CCDC180: variants seen among roughly 807,000 people sequenced by gnomAD.
CCDC180 encodes coiled-coil domain containing 180, also known as coiled-coil domain-containing protein 180.
A neutral mutation model predicts 209.2 loss-of-function variants in CCDC180; 154 were observed. That is an observed-to-expected ratio of 0.74 (90% CI 0.65 to 0.84). The LOEUF (loss-of-function observed/expected upper bound fraction) is 0.84, where lower values mean the gene tolerates loss of function less well. CCDC180 is among the 40% of genes least tolerant of loss of function. The probability of loss-of-function intolerance (pLI) is 0.00; values close to 1 mark genes in which losing one functional copy is unlikely to be tolerated. For missense variants in CCDC180, 1,874 were observed against 1,997.3 expected (o/e 0.94, Z 1.18); for synonymous variants, 778 against 749.1 (o/e 1.04, Z -0.63).
In CCDC180 at chr9:97,330,770, A is replaced by G. The variant is rs748713135; in HGVS notation, c.2274+3A>G. On this transcript the variant is annotated splice_donor_region_variant and intron_variant, in intron 18 of 36. Transcript: ENST00000529487. Reference sequence around the variant, plus strand: ...AAGAGAGTTTATCTGTGGGTGAGGTAAGCCAGCAACTGATTCATTCTTGGG... The same window carrying G: ...AAGAGAGTTTATCTGTGGGTGAGGTGAGCCAGCAACTGATTCATTCTTGGG... 2.5e-6 allele frequency: 4 copies of G among 1,592,244 alleles called. No homozygotes were observed. Among genetic ancestry groups the G allele is most frequent in the South Asian group, 1.1e-5 (1 of 89,158 alleles).
rs764896343 is a variant in CCDC180, at chr9:97,314,411, G to A, written c.478G>A (p.Val160Met). The A allele has an allele frequency of 1.7e-5, 28 of 1,614,000 alleles. No homozygotes were observed. The highest frequency in any genetic ancestry group is 2.2e-5 in the East Asian group (1 of 44,890). The change falls in exon 6 of 37, where the codon GTG (valine) becomes ATG (methionine). Residue 160 changes from valine (V) to methionine (M), a missense_variant. By Grantham distance (21) the Val-to-Met change is conservative (BLOSUM62 1). Coordinates refer to ENST00000529487, the MANE Select transcript of CCDC180 (RefSeq NM_020893.6). ...QVGKEMEPLI[V>M]DTGGLFLKKL... ...GTTGCAGGAAATGGAACCTCTCATCGTGGACACAGGGGGACTTTTTTTGAA... is the reference window on the plus strand; with the variant it reads ...GTTGCAGGAAATGGAACCTCTCATCATGGACACAGGGGGACTTTTTTTGAA...
chr9:97,363,980 A>G, intron 28 of CCDC180, 71 bp from the exon 29 acceptor site: 1 of 1,447,978 alleles, frequency 6.9e-7, no homozygotes, highest in African/African-American at 1.4e-5. Context: ...CCAGGCAGGG[A>G]TCCTGCAGGC....
At chr9:97,342,826 A>G (rs555830897) in intron 18 of CCDC180, among the ~76,000 whole-genome samples, 3 of 152,370 alleles carry the variant, frequency 2.0e-5, no homozygotes, top group African/African-American at 7.2e-5. Flanking sequence ...CTTTGAGTGC[A>G]GGGAAGTAAC....
chr9:97,330,529 A>G lies in CCDC180; in HGVS notation c.2036A>G (p.His679Arg). 2.5e-6 allele frequency: 4 copies of G among 1,614,174 alleles called. No individual in the cohort carries two copies. Among genetic ancestry groups the G allele is most frequent in the South Asian group, 1.1e-5 (1 of 91,076 alleles). The stretch of plus-strand genomic sequence containing the variant: ...GGGCAGCAGAAAAAATCTCCACTGC[A>G]TGCTAAGATGGATGAGTCCAAAGAA... ...VLGQQKKSPL[H>R]AKMDESKEGS... is the part of the protein sequence containing the mutation. The change falls in exon 18 of 37, where the codon CAT (histidine) becomes CGT (arginine). Residue 679 changes from histidine (H) to arginine (R), a missense_variant. By Grantham distance (29) the His-to-Arg change is conservative. Coordinates refer to ENST00000529487, the MANE Select transcript of CCDC180 (RefSeq NM_020893.6).
At chr9:97,364,737 C>T (rs898559833) in intron 29 of CCDC180, 1 of 154,104 alleles carries the variant, frequency 6.5e-6, no homozygotes, top group Admixed American at 6.5e-5. Flanking sequence ...AGACAGTTCC[C>T]TCGTCCCACA....
At position 97,376,803 on chromosome 9, in the gene CCDC180, A is replaced by G. The variant is rs1298369829; in HGVS notation, c.4883A>G (p.Gln1628Arg). Reference sequence around the variant, plus strand: ...TTTGAGGAGGAGCTAAAGAGGATCCAGGATGACTGTACATCTCAGATAAAG... The same window carrying G: ...TTTGAGGAGGAGCTAAAGAGGATCCGGGATGACTGTACATCTCAGATAAAG... ...ASFEEELKRI[Q>R]DDCTSQIKEA... Residue 1628 changes from glutamine (Q) to arginine (R), a missense_variant, in exon 37 of 37, where the codon CAG becomes CGG. Physicochemically the swap from Gln to Arg is conservative, Grantham distance 43. Coordinates refer to ENST00000529487, the MANE Select transcript of CCDC180 (RefSeq NM_020893.6). 1.2e-6 allele frequency: 2 copies of G among 1,613,634 alleles called. No individual in the cohort carries two copies. Among genetic ancestry groups the G allele is most frequent in the Admixed American group, 1.7e-5 (1 of 60,030 alleles).
At position 97,314,920 on chromosome 9, in the gene CCDC180, T is replaced by C; in HGVS notation, c.769T>C (p.Tyr257His). 4 of 1,614,032 alleles carry C rather than the reference T, an allele frequency of 2.5e-6. No individual in the cohort carries two copies. Among genetic ancestry groups the C allele is most frequent in the Non-Finnish European group, 3.4e-6 (4 of 1,179,900 alleles). The change falls in exon 8 of 37, where the codon TAC (tyrosine) becomes CAC (histidine). Residue 257 changes from tyrosine to histidine, a missense_variant. Physicochemically the swap from Tyr to His is moderately conservative, Grantham distance 83. Transcript: ENST00000529487. ...KTSYLMRPEV[Y>H]RLINEEAMVM... ...TTCCTACCTCATGCGGCCCGAAGTG[T>C]ACAGGCTGATAAATGAAGAAGCCAT...
At chr9:97,376,471 C>G (rs1343069634) in intron 36 of CCDC180, 1 of 287,292 alleles carries the variant, frequency 3.5e-6, no homozygotes, top group African/African-American at 2.2e-5. Flanking sequence ...TGGGACAGAG[C>G]TCAGGAAGGA....
Position 97,330,600 on chromosome 9 carries a change from T to C in CCDC180, c.2107T>C (p.Ser703Pro). ...LEEMQVEREG[S>P]LNPSLNEENV... ...AGAAATGCAGGTTGAAAGAGAGGGC[T>C]CCTTAAACCCATCCCTGAATGAGGA... The change falls in exon 18 of 37, where the codon TCC becomes CCC. Residue 703 changes from serine to proline, a missense_variant. Ser to Pro is a moderately conservative substitution (Grantham distance 74). Transcript: ENST00000529487. 3.1e-6 allele frequency: 5 copies of C among 1,613,752 alleles called. No individual in the cohort carries two copies. The highest frequency in any genetic ancestry group is 4.2e-6 in the Non-Finnish European group (5 of 1,179,974).
rs1231392419 is a variant in CCDC180, at chr9:97,319,506, G to T, written c.1080-620G>T. ...CCTTCCACCCTCCACCCTCAAGTAGGCCCCAGTGTCTGTTTTCTTCTTTAT... is the reference window on the plus strand; with the variant it reads ...CCTTCCACCCTCCACCCTCAAGTAGTCCCCAGTGTCTGTTTTCTTCTTTAT... On this transcript the variant is annotated intron_variant, in intron 10 of 36. Coordinates refer to ENST00000529487, the MANE Select transcript of CCDC180 (RefSeq NM_020893.6). 2.0e-5 allele frequency among the ~76,000 whole-genome samples: 3 copies of T among 151,988 alleles called. No individual in the cohort carries two copies. In the East Asian group the frequency reaches 5.8e-4, roughly 29 times the overall value.
intron 18 of CCDC180, among the ~76,000 whole-genome samples, chr9:97,337,309 A>G (rs1400140147): frequency 6.6e-6 from 1 of 152,202 alleles, no homozygotes; most frequent in African/African-American, 2.4e-5. Context: ...TTTGTCATAA[A>G]TAGCTCTTAT....
At chr9:97,348,490 G>A (rs541307642) in intron 20 of CCDC180, among the ~76,000 whole-genome samples, 1 of 152,192 alleles carries the variant, frequency 6.6e-6, no homozygotes, top group East Asian at 1.9e-4. Context: ...AACAAGGCCA[G>A]AGAAGCAAAG....
chr9:97,375,489 T>A lies in CCDC180; in HGVS notation c.4742T>A (p.Ile1581Asn), dbSNP rs1827227133. 1.2e-6 allele frequency: 2 copies of A among 1,614,032 alleles called. No homozygotes were observed. Among genetic ancestry groups the A allele is most frequent in the Non-Finnish European group, 1.7e-6 (2 of 1,180,050 alleles). The change falls in exon 36 of 37, where the codon ATC becomes AAC. Residue 1581 changes from isoleucine (I) to asparagine (N), a missense_variant. Coordinates refer to ENST00000529487, the MANE Select transcript of CCDC180 (RefSeq NM_020893.6). The stretch of plus-strand genomic sequence containing the variant: ...GGGATCAAACCCACCGAAGTCACCA[T>A]CCAAAACAAGATTCTTCTCCAGCCA... Reference protein sequence around the residue: ...WPGIKPTEVTIQNKILLQPTS... With the variant: ...WPGIKPTEVTNQNKILLQPTS...
intron 18 of CCDC180, among the ~76,000 whole-genome samples, chr9:97,335,376 T>C (rs1027218652): frequency 2.6e-5 from 4 of 152,158 alleles, no homozygotes; most frequent in African/African-American, 7.2e-5. Context: ...CCCCACCCTG[T>C]ATCCAAGTGT....
At chr9:97,361,430 AC>A (rs1826748714) in intron 26 of CCDC180, among the ~76,000 whole-genome samples, 1 of 152,236 alleles carries the variant, frequency 6.6e-6, no homozygotes, top group African/African-American at 2.4e-5. Flanking sequence ...AAGCTCTGAG[AC>A]AGGAGGGATC....
chr9:97,374,555 C>T lies in CCDC180; in HGVS notation c.4613C>T (p.Pro1538Leu), dbSNP rs367588606. The change falls in exon 35 of 37, where the codon CCC (proline) becomes CTC (leucine). Residue 1538 changes from proline (P) to leucine (L), a missense_variant. Transcript: ENST00000529487. ...DDVQVARMEPPKQKLSMLIRR... is the reference protein window; with the variant it reads ...DDVQVARMEPLKQKLSMLIRR... The stretch of plus-strand genomic sequence containing the variant: ...CTTTTGCCTCTAGGGATGGAGCCCC[C>T]CAAACAGAAATTATCAATGCTCATA... The T allele has an allele frequency of 6.2e-7, 1 of 1,613,816 alleles. No individual in the cohort carries two copies. The highest frequency in any genetic ancestry group is 1.7e-5 in the Admixed American group (1 of 60,024).
At chr9:97,324,955 GGCCCTCTTCTTGGCCCTGGGACTGTCA>G in intron 13 of CCDC180, 37 bp from the exon 14 acceptor site, 1 of 1,494,382 alleles carries the variant, frequency 6.7e-7, no homozygotes, top group Non-Finnish European at 9.1e-7. Flanking sequence ...CCCACAGGTG[GGCCCTCTTCTTGGCCCTGGGACTGTCA>G]GCCCTTAAGT....
chr9:97,375,276 T>C (rs1827218713), intron 35 of CCDC180, among the ~76,000 whole-genome samples, 178 bp from the exon 36 acceptor site: 1 of 152,190 alleles, frequency 6.6e-6, no homozygotes, highest in Non-Finnish European at 1.5e-5. Context: ...TGGGGGCTAA[T>C]ATGAAACAGC....
rs745550977 is a variant in CCDC180 at position 97,343,392 on chromosome 9, C to A, written c.2327C>A (p.Ser776Tyr). The A allele has an allele frequency of 3.7e-6, 6 of 1,613,736 alleles. No individual in the cohort carries two copies. The highest frequency in any genetic ancestry group is 5.1e-6 in the Non-Finnish European group (6 of 1,179,748). The change falls in exon 19 of 37, where the codon TCC becomes TAC. Residue 776 changes from serine to tyrosine, a missense_variant. Transcript: ENST00000529487. Reference protein sequence around the residue: ...LEEIYYEDMESFTISSGNTYF... With the variant: ...LEEIYYEDMEYFTISSGNTYF... The stretch of plus-strand genomic sequence containing the variant: ...GAGATATACTATGAGGACATGGAGT[C>A]CTTCACAATCTCCAGTGGAAACACT...
Sources: allele counts gnomAD v4.1 joint callset (sites outside exome capture counted in the v4.1 genomes callset), GRCh38; gene constraint gnomAD v4.1.1; transcripts MANE v1.5; gene names NCBI Gene and HGNC (gene_info 2026-07-23, HGNC 2026-07-21).